PPP1R12B: variants seen among roughly 807,000 people sequenced by gnomAD.
PPP1R12B encodes the protein myosin phosphatase target subunit 2.
A neutral mutation model predicts 126.1 loss-of-function variants in PPP1R12B; 76 were observed. The observed-to-expected ratio is 0.60, with a 90% CI of 0.50 to 0.73. PPP1R12B has a LOEUF of 0.73. PPP1R12B is among the 30% of genes least tolerant of loss of function. The pLI is 0.00. For synonymous variants in PPP1R12B, 356 were observed against 434.7 expected (o/e 0.82, Z 2.25); for missense variants, 1,052 against 1,205.1 (o/e 0.87, Z 1.88).
At chr1:202,413,953 T>C (rs1667734445) in intron 1 of PPP1R12B, among the ~76,000 whole-genome samples, 1 of 151,984 alleles carries the variant, frequency 6.6e-6, no homozygotes, top group South Asian at 2.1e-4. Flanking sequence ...TGAGACACAG[T>C]CTCTGTGGCC....
chr1:202,384,458 C>T (rs549712925), intron 1 of PPP1R12B, among the ~76,000 whole-genome samples: 1 of 152,230 alleles, frequency 6.6e-6, no homozygotes, highest in South Asian at 2.1e-4. Flanking sequence ...ACACAATAGG[C>T]TACATATTAT....
intron 13 of PPP1R12B, among the ~76,000 whole-genome samples, chr1:202,452,018 C>T (rs534641853): frequency 2.2e-4 from 34 of 151,542 alleles, no homozygotes; most frequent in South Asian, 4.2e-4. Flanking sequence ...CGCTCCTCAC[C>T]TACCAGATGG....
At position 202,431,589 on chromosome 1, in the gene PPP1R12B, G is replaced by C. The variant is rs1477926359; in HGVS notation, c.1111G>C (p.Ala371Pro). Residue 371 changes from alanine to proline, a missense_variant, in exon 8 of 24, where the codon GCT (alanine) becomes CCT (proline). Physicochemically the swap from Ala to Pro is conservative, Grantham distance 27 (BLOSUM62 -1). Transcript: ENST00000608999. ...AGAGGAGGAGGAAGGTGAAGATGAA[G>C]CTTCTGAGTCAGAAACTGAGAAGGA... is the stretch of plus-strand genomic sequence containing the variant. ...SSEEEEGEDE[A>P]SESETEKEAD... 3 of 1,609,788 alleles carry C rather than the reference G, an allele frequency of 1.9e-6. No individual in the cohort carries two copies. The Admixed American group carries it at 5.1e-5, about 27-fold the overall frequency.
At position 202,564,436 on chromosome 1, in the gene PPP1R12B, C is replaced by T. The variant is rs747039632; in HGVS notation, c.2653-7C>T. On this transcript the variant is annotated splice_polypyrimidine_tract_variant and splice_region_variant and intron_variant, in intron 20 of 23. Coordinates refer to ENST00000608999, the MANE Select transcript of PPP1R12B (RefSeq NM_002481.4). ...AACGCTGATCCTCTTTTTTCCCTCT[C>T]CTCTAGCTCTATGAGAGTGCTCTGA... 5.6e-6 allele frequency: 9 copies of T among 1,598,018 alleles called. No homozygotes were observed. The highest frequency in any genetic ancestry group is 2.2e-5 in the East Asian group (1 of 44,740).
Position 202,586,648 on chromosome 1 carries a change from A to C in PPP1R12B, c.*6088A>C, listed in dbSNP as rs985033515. The C allele has an allele frequency of 3.3e-5, 5 of 152,232 alleles. No homozygotes were observed. Among genetic ancestry groups the C allele is most frequent in the Admixed American group, 6.5e-5 (1 of 15,286 alleles). The allele number at this position is 152,232 out of a possible 1,614,324, so 9.4% of individuals were successfully genotyped here. On this transcript the variant is annotated 3_prime_UTR_variant, in exon 24 of 24. Coordinates refer to ENST00000608999, the MANE Select transcript of PPP1R12B (RefSeq NM_002481.4). ...GGTGATTTCTGAGGGCTGAGAAAAA[A>C]CACAGAATCTTGGCCAGCAGCCAGC...
At chr1:202,408,450 C>G (rs1255182371) in intron 1 of PPP1R12B, among the ~76,000 whole-genome samples, 3 of 152,274 alleles carry the variant, frequency 2.0e-5, no homozygotes, top group Admixed American at 2.0e-4. Flanking sequence ...AAGAAGGGAT[C>G]AGTTACAGCT....
At chr1:202,410,984 T>G (rs1241326829) in intron 1 of PPP1R12B, among the ~76,000 whole-genome samples, 1 of 152,144 alleles carries the variant, frequency 6.6e-6, no homozygotes, top group Non-Finnish European at 1.5e-5. Context: ...TTAGCCTGCT[T>G]CCCAAGAAAA....
intron 13 of PPP1R12B, among the ~76,000 whole-genome samples, chr1:202,483,746 A>G (rs1028498832): frequency 1.3e-5 from 2 of 152,234 alleles, no homozygotes; most frequent in African/African-American, 4.8e-5. Flanking sequence ...ATTGCAGTCT[A>G]TCTCTCCCTT....
At position 202,446,256 on chromosome 1, in the gene PPP1R12B, A is replaced by ATATATTTTTT. The variant is rs376183502; in HGVS notation, c.1668-2732_1668-2731insATATTTTTTT. ...TCTCTCTATATATATATATATATAT[A>ATATATTTTTT]TTTTTTTTTTTTTTTGAGATGGAAT... On this transcript the variant is annotated intron_variant, in intron 12 of 23. Coordinates refer to ENST00000608999, the MANE Select transcript of PPP1R12B (RefSeq NM_002481.4). 1.8e-3 allele frequency among the ~76,000 whole-genome samples: 97 copies of ATATATTTTTT among 54,318 alleles called. 1 individual carries two copies. The East Asian group carries it at 0.018, about 10-fold the overall frequency. 35.6% of individuals were successfully genotyped at this position (54,318 alleles called of 152,430 possible).
chr1:202,408,585 G>A (rs898981856), intron 1 of PPP1R12B, among the ~76,000 whole-genome samples: 3 of 152,010 alleles, frequency 2.0e-5, no homozygotes, highest in African/African-American at 4.8e-5. Flanking sequence ...ACACAAACTT[G>A]GTGGCCTAAA....
intron 1 of PPP1R12B, among the ~76,000 whole-genome samples, chr1:202,363,348 C>T (rs1658556326): frequency 6.6e-6 from 1 of 152,118 alleles, no homozygotes; most frequent in Non-Finnish European, 1.5e-5. Flanking sequence ...ATGTTGATTC[C>T]ATTTCCTATT....
At chr1:202,411,192 G>T (rs980229318) in intron 1 of PPP1R12B, among the ~76,000 whole-genome samples, 2 of 147,544 alleles carry the variant, frequency 1.4e-5, no homozygotes, top group African/African-American at 5.0e-5. Flanking sequence ...CACTTGAGAA[G>T]ATTTTCAGGG....
intron 1 of PPP1R12B, among the ~76,000 whole-genome samples, chr1:202,413,919 T>C (rs1639924172): frequency 6.6e-6 from 1 of 152,078 alleles, no homozygotes; most frequent in African/African-American, 2.4e-5. Flanking sequence ...CTCCAACAAG[T>C]GATGGTTCGT....
intron 18 of PPP1R12B, among the ~76,000 whole-genome samples, chr1:202,517,753 G>A (rs1246817525): frequency 6.6e-6 from 1 of 151,960 alleles, no homozygotes; most frequent in African/African-American, 2.4e-5. Context: ...AGCCTCTCAA[G>A]TAGCTGGGAT....
intron 18 of PPP1R12B, among the ~76,000 whole-genome samples, chr1:202,555,679 C>T (rs1349256149): frequency 6.6e-6 from 1 of 152,024 alleles, no homozygotes; most frequent in Admixed American, 6.6e-5. Context: ...GAAAGTACAT[C>T]TTTGGAAAGA....
intron 1 of PPP1R12B, among the ~76,000 whole-genome samples, chr1:202,406,638 C>G (rs1666638317): frequency 6.6e-6 from 1 of 152,154 alleles, no homozygotes; most frequent in African/African-American, 2.4e-5. Flanking sequence ...TTTTCCAAGG[C>G]TGAGTTTCTT....
intron 1 of PPP1R12B, among the ~76,000 whole-genome samples, chr1:202,357,488 A>G (rs1210861799): frequency 6.6e-6 from 1 of 152,222 alleles, no homozygotes; most frequent in Non-Finnish European, 1.5e-5. Flanking sequence ...TTTTCCATCA[A>G]TATAATTGTA....
At chr1:202,486,687 G>GT (rs1678173680) in intron 13 of PPP1R12B, among the ~76,000 whole-genome samples, 1 of 152,172 alleles carries the variant, frequency 6.6e-6, no homozygotes, top group African/African-American at 2.4e-5. Flanking sequence ...TGCACCTGTA[G>GT]TCCCAGCTAC....
intron 1 of PPP1R12B, 107 bp downstream of exon 1, chr1:202,349,249 A>G (rs184634701): frequency 2.4e-5 from 32 of 1,310,332 alleles, no homozygotes; most frequent in Non-Finnish European, 3.3e-5. Context: ...CTCCTTCTGC[A>G]TGGACACTGC....
Sources: gnomAD v4.1 joint callset for allele counts (sites outside exome capture counted in the v4.1 genomes callset) on GRCh38, gnomAD v4.1.1 for gene constraint, MANE v1.5 for transcripts, NCBI Gene and HGNC (gene_info 2026-07-23, HGNC 2026-07-21) for gene names.